Variants in DIDO1 observed in about 807,000 individuals in gnomAD.
The protein encoded by DIDO1 is death-inducer obliterator 1.
In DIDO1, 16 loss-of-function variants were observed where a neutral mutation model predicts 99.4. That is an observed-to-expected ratio of 0.16 (90% CI 0.11 to 0.24). The LOEUF is 0.24. Among genes scored for constraint, DIDO1 ranks in the 10% least tolerant of loss-of-function variants. DIDO1 has a pLI of 1.00. For missense variants in DIDO1, 2,996 were observed against 3,014.0 expected (o/e 0.99, Z 0.14); for synonymous variants, 1,366 against 1,239.1 (o/e 1.10, Z -2.15).
intron 12 of DIDO1, 45 bp downstream of exon 12, chr20:62,893,621 T>TA (rs751946338): frequency 6.2e-5 from 93 of 1,491,580 alleles, no homozygotes; most frequent in South Asian, 3.1e-4. Flanking sequence ...TTCGTTAATC[T>TA]AAAAAAAAAG....
chr20:62,910,135 T>C, intron 3 of DIDO1, 115 bp from the exon 4 acceptor site: 1 of 1,152,780 alleles, frequency 8.7e-7, no homozygotes, highest in South Asian at 1.6e-5. Flanking sequence ...TACAGAAAAG[T>C]AGAGATTAAG....
chr20:62,917,598 C>T (rs1001690062), intron 1 of DIDO1, among the ~76,000 whole-genome samples: 1 of 152,300 alleles, frequency 6.6e-6, no homozygotes, highest in African/African-American at 2.4e-5. Flanking sequence ...CCAGCTCAAT[C>T]CCCTAGGGCT....
chr20:62,927,600 C>G (rs2065277315), upstream of DIDO1, among the ~76,000 whole-genome samples: 1 of 152,246 alleles, frequency 6.6e-6, no homozygotes, highest in Non-Finnish European at 1.5e-5. Flanking sequence ...CATGGACCAT[C>G]TAGCCTTTGG....
At chr20:62,914,022 G>T (rs914398312) in intron 2 of DIDO1, among the ~76,000 whole-genome samples, 188 bp downstream of exon 2, 3 of 152,178 alleles carry the variant, frequency 2.0e-5, no homozygotes, top group Admixed American at 6.6e-5. Context: ...CCAATCTGCA[G>T]CTGGTTGAAT....
In DIDO1 at chr20:62,892,114, G is replaced by C. The variant is rs753389321; in HGVS notation, c.3256-38C>G. On this transcript the variant is annotated intron_variant, in intron 13 of 15. Coordinates refer to ENST00000395343, the MANE Select transcript of DIDO1 (RefSeq NM_001193369.2). ...TACTTTGCGTAAATCACTTTGAACT[G>C]TAGTAGTCACAGAAAGACGAATGCA... 15 of 1,568,204 alleles carry C rather than the reference G, an allele frequency of 9.6e-6. No homozygotes were observed. The South Asian group carries it at 1.7e-4, about 18-fold the overall frequency.
At chr20:62,923,865 C>T (rs1475114383) in intron 1 of DIDO1, among the ~76,000 whole-genome samples, 1 of 152,210 alleles carries the variant, frequency 6.6e-6, no homozygotes, top group Non-Finnish European at 1.5e-5. Context: ...GCCTCCTTTA[C>T]AACTTACACA....
chr20:62,902,159 G>T (rs563306198), intron 6 of DIDO1, among the ~76,000 whole-genome samples: 1 of 152,224 alleles, frequency 6.6e-6, no homozygotes, highest in Admixed American at 6.5e-5. Context: ...GGACGGTGCT[G>T]ATGTGGGACT....
intron 6 of DIDO1, among the ~76,000 whole-genome samples, chr20:62,899,931 GGACA>G (rs2064625641): frequency 6.6e-6 from 1 of 152,228 alleles, no homozygotes; most frequent in South Asian, 2.1e-4. Context: ...GCTGAAATGG[GGACA>G]GAAACTTTTT....
intron 15 of DIDO1, among the ~76,000 whole-genome samples, chr20:62,885,358 C>T (rs990311637): frequency 6.6e-6 from 1 of 152,216 alleles, no homozygotes; most frequent in African/African-American, 2.4e-5. Flanking sequence ...AGACACTCAG[C>T]TTCTAAAGGG....
At chr20:62,905,804 T>A in intron 6 of DIDO1, 83 bp downstream of exon 6, 1 of 1,613,436 alleles carries the variant, frequency 6.2e-7, no homozygotes, top group South Asian at 1.1e-5. Flanking sequence ...AAGCTGCAAC[T>A]CCCAGTCCTG....
chr20:62,922,959 A>G (rs1159888123), intron 1 of DIDO1, among the ~76,000 whole-genome samples: 1 of 152,072 alleles, frequency 6.6e-6, no homozygotes, highest in Admixed American at 6.6e-5. Context: ...AAACTAACAG[A>G]CCAGTTTGAA....
rs552259924 is a variant in DIDO1, at chr20:62,922,000, A to G, written c.-200+4439T>C. On this transcript the variant is annotated intron_variant, in intron 1 of 15. Transcript: ENST00000395343. ...ATACATATGTCCACAATATATATACACTATATATATATCCACACAATATAT... is the reference window on the plus strand; with the variant it reads ...ATACATATGTCCACAATATATATACGCTATATATATATCCACACAATATAT... Among the ~76,000 whole-genome samples the G allele has an allele frequency of 3.3e-5, 5 of 150,174 alleles. No homozygotes were observed. The East Asian group carries it at 5.8e-4, about 18-fold the overall frequency.
chr20:62,887,744 C>G (rs762343030), intron 15 of DIDO1: 9 of 985,394 alleles, frequency 9.1e-6, no homozygotes, highest in Non-Finnish European at 1.1e-5. Flanking sequence ...CTTCCATGAA[C>G]AAGGCCCTGA....
At chr20:62,931,995 C>T (rs2065336461) in intron 1 of DIDO1, among the ~76,000 whole-genome samples, 1 of 152,168 alleles carries the variant, frequency 6.6e-6, no homozygotes, top group Admixed American at 6.5e-5. Context: ...ACAACAACAA[C>T]AAAGACTGAG....
chr20:62,937,026 C>T (rs2065395342), intron 1 of DIDO1, among the ~76,000 whole-genome samples: 1 of 152,260 alleles, frequency 6.6e-6, no homozygotes, highest in African/African-American at 2.4e-5. Flanking sequence ...TGTCCAAAAT[C>T]AGTCTCCTCC....
intron 6 of DIDO1, chr20:62,904,901 G>A (rs2064767375): frequency 1.2e-6 from 1 of 846,384 alleles, no homozygotes; most frequent in Non-Finnish European, 1.4e-6. Context: ...TCTGACGACG[G>A]GAAAGTGGGG....
At chr20:62,930,552 A>G (rs1030317967), upstream of DIDO1, among the ~76,000 whole-genome samples, 2 of 152,268 alleles carry the variant, frequency 1.3e-5, no homozygotes, top group Non-Finnish European at 2.9e-5. Context: ...TATGAGAATC[A>G]TACCAATTTT....
At position 62,894,364 on chromosome 20, in the gene DIDO1, A is replaced by T. The variant is rs573100400; in HGVS notation, c.2572+49T>A. On this transcript the variant is annotated intron_variant, in intron 11 of 15. Coordinates refer to ENST00000395343, the MANE Select transcript of DIDO1 (RefSeq NM_001193369.2). The surrounding 1 kb of genome is among the most constrained non-coding windows in gnomAD (Gnocchi z 4.4). ...AGGAGGTTCAGTGATTTTTAACAAA[A>T]TCAAGTTTAGTCTCAGCTCCAAGGC... 2.8e-5 allele frequency: 45 copies of T among 1,594,798 alleles called. No individual in the cohort carries two copies. In the African/African-American group the frequency reaches 5.0e-4, roughly 18 times the overall value.
chr20:62,928,235 AAGGGAAT>A (rs1218578028), upstream of DIDO1, among the ~76,000 whole-genome samples: 2 of 152,192 alleles, frequency 1.3e-5, no homozygotes, highest in Non-Finnish European at 2.9e-5. Context: ...GAAAGGCACT[AAGGGAAT>A]AGAAAGAGTG....
Sources: gnomAD v4.1 joint callset for allele counts (sites outside exome capture counted in the v4.1 genomes callset) on GRCh38, gnomAD v4.1.1 for gene constraint, Gnocchi (gnomAD v3.1) non-coding constraint, MANE v1.5 for transcripts, NCBI Gene and HGNC (gene_info 2026-07-23, HGNC 2026-07-21) for gene names.